Variants in PCDHA2 observed in about 807,000 individuals in gnomAD.
The protein encoded by PCDHA2 is protocadherin alpha-2.
A neutral mutation model predicts 66.0 loss-of-function variants in PCDHA2; 58 were observed. The ratio of observed to expected loss-of-function variants is 0.88; its 90% CI spans 0.71 to 1.09. The LOEUF is 1.09. PCDHA2 is among the 50% of genes least tolerant of loss of function. The probability of loss-of-function intolerance (pLI) is 0.00; values close to 1 mark genes in which losing one functional copy is unlikely to be tolerated. For synonymous variants in PCDHA2, 634 were observed against 554.0 expected (o/e 1.14, Z -2.03); for missense variants, 1,267 against 1,242.3 (o/e 1.02, Z -0.30).
chr5:140,865,900 C>T (rs1012769998), intron 1 of PCDHA2: 18 of 152,230 alleles, frequency 1.2e-4, no homozygotes, highest in African/African-American at 3.8e-4. Context: ...TGTGTACAGG[C>T]AAATCTTTCT....
chr5:140,803,881 A>G, intron 1 of PCDHA2: 1 of 549,676 alleles, frequency 1.8e-6, no homozygotes, highest in Non-Finnish European at 3.2e-6. Context: ...ATTTTTTCTT[A>G]GATGAATTGC....
intron 1 of PCDHA2, among the ~76,000 whole-genome samples, chr5:140,891,207 GCTGTGTCTTTATAATCATC>G (rs2062985050): frequency 6.6e-6 from 1 of 152,054 alleles, no homozygotes; most frequent in Non-Finnish European, 1.5e-5. Context: ...GTTTTACCAT[GCTGTGTCTTTATAATCATC>G]CTGTTCTGGA....
In PCDHA2 at chr5:141,010,504, A is replaced by C; in HGVS notation, c.*567A>C. On this transcript the variant is annotated 3_prime_UTR_variant, in exon 4 of 4. Transcript: ENST00000526136. ...AACTTAAAGGGACCAGACTTTCTAA[A>C]TCTTACAACTCAAGAGGTGGCAGCC... is the stretch of plus-strand genomic sequence containing the variant. 1.8e-6 allele frequency: 1 copy of C among 549,734 alleles called. No homozygotes were observed. Among genetic ancestry groups the C allele is most frequent in the Non-Finnish European group, 2.9e-6 (1 of 344,512 alleles). The allele number at this position is 549,734 out of a possible 1,614,324, so 34.1% of individuals were successfully genotyped here.
At chr5:140,968,283 A>G in intron 1 of PCDHA2, 1 of 1,613,726 alleles carries the variant, frequency 6.2e-7, no homozygotes, top group Non-Finnish European at 8.5e-7. Flanking sequence ...GAGGTGACCT[A>G]CTCCCTTCTG....
chr5:140,795,092 C>T lies in PCDHA2; in HGVS notation c.128C>T (p.Thr43Ile). ...GTCCCCGAGGAGGCCAAACACGGCA[C>T]CTTCGTGGGCCGCATCGCGCAGGAC... ...YSVPEEAKHG[T>I]FVGRIAQDLG... Residue 43 changes from threonine (T) to isoleucine (I), a missense_variant, in exon 1 of 4, where the codon ACC (threonine) becomes ATC (isoleucine). Thr to Ile is a moderately conservative substitution (Grantham distance 89). Transcript: ENST00000526136. The T allele has an allele frequency of 1.9e-6, 3 of 1,613,984 alleles. No homozygotes were observed. Among genetic ancestry groups the T allele is most frequent in the Non-Finnish European group, 2.5e-6 (3 of 1,180,044 alleles).
chr5:140,851,287 C>T, intron 1 of PCDHA2: 1 of 1,037,890 alleles, frequency 9.6e-7, no homozygotes, highest in Non-Finnish European at 1.2e-6. Flanking sequence ...ATAAGAAACC[C>T]AAGCAAAAAT....
At chr5:140,970,271 G>A (rs1395602971) in intron 1 of PCDHA2, among the ~76,000 whole-genome samples, 1 of 152,200 alleles carries the variant, frequency 6.6e-6, no homozygotes, top group Non-Finnish European at 1.5e-5. Context: ...TTGATGAGAT[G>A]TAAAGTAGCC....
rs1237134609 is a variant in PCDHA2 at position 141,011,353 on chromosome 5, A to T, written c.*1416A>T. 6.5e-6 allele frequency: 1 copy of T among 153,692 alleles called. No homozygotes were observed. The highest frequency in any genetic ancestry group is 1.5e-5 in the Non-Finnish European group (1 of 68,032). The allele number at this position is 153,692 out of a possible 1,614,324, so 9.5% of individuals were successfully genotyped here. On this transcript the variant is annotated 3_prime_UTR_variant, in exon 4 of 4. Coordinates refer to ENST00000526136, the MANE Select transcript of PCDHA2 (RefSeq NM_018905.3). ...ATGTTACCTGAAATCAATCTCCCAT[A>T]TGTATGCTGTATGCTATGCTAAGAC...
intron 1 of PCDHA2, chr5:140,927,689 G>A (rs781972370): frequency 5.6e-6 from 9 of 1,614,064 alleles, no homozygotes; most frequent in African/African-American, 2.7e-5. Flanking sequence ...GGGTCCAATG[G>A]GGAAGTCCAG....
chr5:140,801,920 G>C (rs562105499), intron 1 of PCDHA2: 1 of 1,614,182 alleles, frequency 6.2e-7, no homozygotes, highest in Admixed American at 1.7e-5. Context: ...ACGCCCCAGC[G>C]TTTGAGAGGA....
At chr5:140,854,247 T>C (rs782783926) in intron 1 of PCDHA2, 12 of 635,110 alleles carry the variant, frequency 1.9e-5, no homozygotes, top group Non-Finnish European at 2.4e-5. Context: ...TGTTATCACT[T>C]GGTATAAAAT....
At chr5:140,990,705 G>A (rs2097408066) in intron 3 of PCDHA2, among the ~76,000 whole-genome samples, 1 of 152,132 alleles carries the variant, frequency 6.6e-6, no homozygotes, top group Non-Finnish European at 1.5e-5. Flanking sequence ...AGATTTATGG[G>A]GATAAGAGCA....
intron 1 of PCDHA2, among the ~76,000 whole-genome samples, chr5:140,886,624 G>A (rs1204732273): frequency 6.6e-6 from 1 of 151,636 alleles, no homozygotes; most frequent in African/African-American, 2.4e-5. Context: ...TCAGGAGTCC[G>A]AGACCAGCCT....
In PCDHA2 at chr5:140,852,833, T is replaced by C; in HGVS notation, c.2388+55481T>C. 14 of 971,734 alleles carry C rather than the reference T, an allele frequency of 1.4e-5. 1 individual carries two copies. Among genetic ancestry groups the C allele is most frequent in the Non-Finnish European group, 1.5e-5 (12 of 804,770 alleles). 60.2% of individuals were successfully genotyped at this position (971,734 alleles called of 1,614,324 possible). On this transcript the variant is annotated intron_variant, in intron 1 of 3. Transcript: ENST00000526136. ...CCCGCCCTAAGTCCTCCAGTCTCCT[T>C]AGAGCTAGTACTTACTAAGCATTTA...
intron 1 of PCDHA2, among the ~76,000 whole-genome samples, chr5:140,964,721 CA>C (rs1340678918): frequency 1.3e-5 from 2 of 151,598 alleles, no homozygotes; most frequent in African/African-American, 4.9e-5. Flanking sequence ...CAAATTACCA[CA>C]GCAAACTGAG....
In PCDHA2 at chr5:140,850,012, G is replaced by A. The variant is rs1415063137; in HGVS notation, c.2388+52660G>A. On this transcript the variant is annotated intron_variant, in intron 1 of 3. Transcript: ENST00000526136. ...CGGTTGGGCGAGCGCTCGCTGTCGAGCTACGTGTCAGTGCACGCGGAGAGC... is the reference window on the plus strand; with the variant it reads ...CGGTTGGGCGAGCGCTCGCTGTCGAACTACGTGTCAGTGCACGCGGAGAGC... 5 of 1,596,912 alleles carry A rather than the reference G, an allele frequency of 3.1e-6. 1 individual carries two copies. In the African/African-American group the frequency reaches 5.4e-5, roughly 17 times the overall value.
At chr5:140,811,756 A>G (rs1376410604) in intron 1 of PCDHA2, 18 of 152,164 alleles carry the variant, frequency 1.2e-4, no homozygotes, top group Non-Finnish European at 2.4e-4. Flanking sequence ...ACCAGTGATG[A>G]TGGGCATTTT....
chr5:140,916,406 G>A (rs988786781), intron 1 of PCDHA2, among the ~76,000 whole-genome samples: 1 of 152,186 alleles, frequency 6.6e-6, no homozygotes, highest in Admixed American at 6.5e-5. Flanking sequence ...GATCACACCT[G>A]AAGTCAGCAC....
chr5:140,835,560 G>A, intron 1 of PCDHA2: 3 of 1,613,902 alleles, frequency 1.9e-6, no homozygotes, highest in Non-Finnish European at 2.5e-6. Flanking sequence ...GACGCCCCGC[G>A]TTCCCTTCAA....
Sources: allele counts gnomAD v4.1 joint callset (sites outside exome capture counted in the v4.1 genomes callset), GRCh38; gene constraint gnomAD v4.1.1; transcripts MANE v1.5; gene names NCBI Gene and HGNC (gene_info 2026-07-23, HGNC 2026-07-21).